Variants in TBX5 observed in about 807,000 individuals in gnomAD.
TBX5 encodes T-box transcription factor TBX5.
In TBX5, 8 loss-of-function variants were observed where a neutral mutation model predicts 51.1. The ratio of observed to expected loss-of-function variants is 0.16; its 90% CI spans 0.09 to 0.28. The LOEUF (loss-of-function observed/expected upper bound fraction) is 0.28. TBX5 is among the 10% of genes least tolerant of loss of function. The probability of loss-of-function intolerance (pLI) is 1.00; values close to 1 mark genes in which losing one functional copy is unlikely to be tolerated. For missense variants in TBX5, 589 were observed against 671.7 expected (o/e 0.88, Z 1.36); for synonymous variants, 302 against 266.4 (o/e 1.13, Z -1.30).
intron 7 of TBX5, among the ~76,000 whole-genome samples, chr12:114,378,661 AGTTTCACTCTTGTTGC>A (rs1405026772): frequency 3.9e-5 from 6 of 151,908 alleles, no homozygotes; most frequent in Non-Finnish European, 5.9e-5. Context: ...TTCGAGACGG[AGTTTCACTCTTGTTGC>A]CCAGGCTGGA....
chr12:114,360,951 T>C (rs1869207785), intron 8 of TBX5, among the ~76,000 whole-genome samples: 2 of 152,190 alleles, frequency 1.3e-5, no homozygotes, highest in South Asian at 4.1e-4. Flanking sequence ...CTGAAACCAA[T>C]AAATTTACTT....
chr12:114,385,638 C>G (rs1870772848), intron 6 of TBX5, 71 bp from the exon 7 acceptor site: 34 of 1,277,756 alleles, frequency 2.7e-5, no homozygotes, highest in Non-Finnish European at 3.9e-5. Context: ...AGGACATGAG[C>G]TAATAATAAA....
chr12:114,366,136 G>A (rs1242135049), intron 8 of TBX5, 29 bp downstream of exon 8: 2 of 1,610,588 alleles, frequency 1.2e-6, no homozygotes, highest in Non-Finnish European at 1.7e-6. Context: ...AAGAAAGAAA[G>A]CAAATTGACC....
At chr12:114,379,673 G>A (rs773301822) in intron 7 of TBX5, among the ~76,000 whole-genome samples, 4 of 152,296 alleles carry the variant, frequency 2.6e-5, no homozygotes, top group Admixed American at 1.3e-4. Context: ...CTCCTCGGTC[G>A]AGTAGAAAAG....
intron 6 of TBX5, among the ~76,000 whole-genome samples, chr12:114,393,086 G>A (rs1871246360): frequency 2.0e-5 from 3 of 152,176 alleles, no homozygotes; most frequent in African/African-American, 7.2e-5. Context: ...TTTTGGAACA[G>A]TCCCGGCCTC....
intron 6 of TBX5, among the ~76,000 whole-genome samples, chr12:114,394,153 A>C (rs1360400980): frequency 6.6e-6 from 1 of 152,144 alleles, no homozygotes; most frequent in African/African-American, 2.4e-5. Context: ...CAAAAAACAA[A>C]AGTTAAAAAT....
chr12:114,400,908 G>T (rs1211300559), intron 3 of TBX5, among the ~76,000 whole-genome samples: 2 of 152,288 alleles, frequency 1.3e-5, no homozygotes, highest in Middle Eastern at 6.8e-3. Flanking sequence ...GGCGGGGGGC[G>T]TCTGGAAAGG....
chr12:114,355,312 T>C lies in TBX5; in HGVS notation c.*220A>G. 1 of 674,228 alleles carries C rather than the reference T, an allele frequency of 1.5e-6. No homozygotes were observed. The highest frequency in any genetic ancestry group is 2.6e-6 in the Non-Finnish European group (1 of 378,282). 41.8% of individuals were successfully genotyped at this position (674,228 alleles called of 1,614,324 possible). On this transcript the variant is annotated 3_prime_UTR_variant, in exon 9 of 9. Transcript: ENST00000405440. Reference sequence around the variant, plus strand: ...ACTCATCTTTTTGTGTTTGTTTTTTTAAGTTTTGAGACAAAACAAGAAAGT... The same window carrying C: ...ACTCATCTTTTTGTGTTTGTTTTTTCAAGTTTTGAGACAAAACAAGAAAGT...
At chr12:114,383,630 T>C (rs374347363) in intron 7 of TBX5, among the ~76,000 whole-genome samples, 4 of 152,290 alleles carry the variant, frequency 2.6e-5, no homozygotes, top group Admixed American at 6.5e-5. Flanking sequence ...AATTTGGGTC[T>C]CCATTAGTTA....
chr12:114,361,061 T>C (rs892218039), intron 8 of TBX5, among the ~76,000 whole-genome samples: 1 of 152,168 alleles, frequency 6.6e-6, no homozygotes, highest in African/African-American at 2.4e-5. Flanking sequence ...CCTAGCACAG[T>C]GTCCATTATA....
intron 8 of TBX5, among the ~76,000 whole-genome samples, chr12:114,357,288 C>T (rs1868979457): frequency 6.6e-6 from 1 of 152,062 alleles, no homozygotes; most frequent in Non-Finnish European, 1.5e-5. Context: ...CCTTTGAAAA[C>T]AAGAAAAAGT....
chr12:114,372,975 TATAC>T (rs1555224503), intron 7 of TBX5, among the ~76,000 whole-genome samples: 15 of 112,080 alleles, frequency 1.3e-4, no homozygotes, highest in African/African-American at 4.6e-4. Context: ...AGCGAATATA[TATAC>T]ATACACACAC....
chr12:114,395,032 A>G, intron 5 of TBX5, 139 bp from the exon 6 acceptor site: 2 of 823,306 alleles, frequency 2.4e-6, no homozygotes, highest in Non-Finnish European at 3.8e-6. Flanking sequence ...TGTTTTGAAA[A>G]GGGGCCAGGG....
intron 8 of TBX5, among the ~76,000 whole-genome samples, chr12:114,362,146 C>T (rs538641089): frequency 1.3e-5 from 2 of 152,226 alleles, no homozygotes; most frequent in South Asian, 2.1e-4. Flanking sequence ...ACACCCTGGT[C>T]GGAGCCACCA....
In TBX5 at chr12:114,355,403, T is replaced by G. The variant is rs28730760; in HGVS notation, c.*129A>C. On this transcript the variant is annotated 3_prime_UTR_variant, in exon 9 of 9. Transcript: ENST00000405440. ...AGCATCCAGCGACCTTGAGTGCAGA[T>G]GTGAACATTGGGTGAAATGAAAAAT... is the stretch of plus-strand genomic sequence containing the variant. 6.8e-6 allele frequency: 8 copies of G among 1,180,862 alleles called. No individual in the cohort carries two copies. The African/African-American group carries it at 1.1e-4, about 16-fold the overall frequency. The allele number at this position is 1,180,862 out of a possible 1,614,324, so 73.1% of individuals were successfully genotyped here.
chr12:114,385,310 G>A (rs972764712), intron 7 of TBX5, among the ~76,000 whole-genome samples, 166 bp downstream of exon 7: 1 of 152,154 alleles, frequency 6.6e-6, no homozygotes, highest in African/African-American at 2.4e-5. Flanking sequence ...CACATGTGAA[G>A]GTTATCAGAA....
intron 7 of TBX5, among the ~76,000 whole-genome samples, chr12:114,384,375 A>C (rs1870680673): frequency 6.6e-6 from 1 of 152,124 alleles, no homozygotes; most frequent in African/African-American, 2.4e-5. Context: ...TCCTGGGTTC[A>C]AGAAATCCTC....
upstream of TBX5, among the ~76,000 whole-genome samples, chr12:114,407,289 C>T (rs1872291173): frequency 6.6e-6 from 1 of 152,196 alleles, no homozygotes; most frequent in African/African-American, 2.4e-5. Flanking sequence ...TCCCTTTGCC[C>T]AGGCGATGTA....
rs1375269065 is a variant in TBX5 at position 114,354,223 on chromosome 12, ACAAACTT to A, written c.*1302_*1308del. 1 of 152,542 alleles carries A rather than the reference ACAAACTT, an allele frequency of 6.6e-6. No homozygotes were observed. The highest frequency in any genetic ancestry group is 2.4e-5 in the African/African-American group (1 of 41,426). 9.4% of individuals were successfully genotyped at this position (152,542 alleles called of 1,614,324 possible). ...AAAAAACAAAAAAAAACAAAAAAAC[ACAAACTT>A]GGTTTTGAGTATCAATAAAATTAAA... On this transcript the variant is annotated 3_prime_UTR_variant, in exon 9 of 9. Transcript: ENST00000405440.
Sources: allele counts gnomAD v4.1 joint callset (sites outside exome capture counted in the v4.1 genomes callset), GRCh38; gene constraint gnomAD v4.1.1; transcripts MANE v1.5; gene names NCBI Gene and HGNC (gene_info 2026-07-23, HGNC 2026-07-21).